Variants in GDPD5 observed in about 807,000 individuals in gnomAD.
GDPD5 encodes glycerophosphodiester phosphodiesterase 2.
GDPD5 carries 48 observed loss-of-function variants against 75.1 expected under a neutral mutation model. That is an observed-to-expected ratio of 0.64 (90% CI 0.51 to 0.81). The LOEUF is 0.81. GDPD5 is among the 40% of genes least tolerant of loss of function. The pLI is 0.00. For missense variants in GDPD5, 706 were observed against 822.6 expected, an observed-to-expected ratio of 0.86 and a Z score of 1.73; for synonymous variants, 336 against 339.0, an observed-to-expected ratio of 0.99 and a Z score of 0.10.
chr11:75,452,496 A>G (rs1233424649), intron 6 of GDPD5, among the ~76,000 whole-genome samples: 1 of 152,226 alleles, frequency 6.6e-6, no homozygotes, highest in Non-Finnish European at 1.5e-5. Flanking sequence ...TATTGTGAGG[A>G]GTGAAATGAC....
rs751132492 is a variant in GDPD5 at position 75,441,751 on chromosome 11, C to T, written c.1220G>A (p.Gly407Asp). Residue 407 changes from glycine (G) to aspartate (D), a missense_variant, in exon 13 of 17, where the codon GGC becomes GAC. Gly to Asp is a moderately conservative substitution (Grantham distance 94). Transcript: ENST00000336898. ...QRPLVRKVAP[G>D]FQQTSGSKEA... ...CTTGGAGCCTGATGTCTGTTGGAAGCCGGGAGCCACCTTCCGCACCAGGGG... is the reference window on the plus strand; with the variant it reads ...CTTGGAGCCTGATGTCTGTTGGAAGTCGGGAGCCACCTTCCGCACCAGGGG... The T allele has an allele frequency of 4.3e-5, 70 of 1,611,368 alleles. No individual in the cohort carries two copies. The highest frequency in any genetic ancestry group is 5.8e-5 in the Non-Finnish European group (68 of 1,179,922).
At chr11:75,477,566 C>G in intron 3 of GDPD5, 53 bp downstream of exon 3, 1 of 1,218,090 alleles carries the variant, frequency 8.2e-7, no homozygotes, top group Non-Finnish European at 1.1e-6. Context: ...CCCAGCCCCT[C>G]AGGCTTGCTG....
intron 9 of GDPD5, 118 bp downstream of exon 9, chr11:75,448,859 A>C (rs1592071999): frequency 1.6e-6 from 2 of 1,254,188 alleles, no homozygotes; most frequent in Non-Finnish European, 2.1e-6. Context: ...CTTCCCATGT[A>C]CCTCCCCTCA....
intron 1 of GDPD5, among the ~76,000 whole-genome samples, chr11:75,501,902 T>C (rs1473730836): frequency 6.6e-6 from 1 of 152,146 alleles, no homozygotes; most frequent in Non-Finnish European, 1.5e-5. Flanking sequence ...CCAGGGTAGG[T>C]ATGTGTATCA....
intron 2 of GDPD5, among the ~76,000 whole-genome samples, chr11:75,480,431 C>T (rs1406589338): frequency 6.6e-6 from 1 of 152,108 alleles, no homozygotes; most frequent in African/African-American, 2.4e-5. Flanking sequence ...AATCATCGCT[C>T]ATGGCCACCT....
intron 2 of GDPD5, among the ~76,000 whole-genome samples, chr11:75,483,640 G>T (rs1949966001): frequency 6.6e-6 from 1 of 152,218 alleles, no homozygotes; most frequent in Non-Finnish European, 1.5e-5. Flanking sequence ...ATCAGGGAAT[G>T]AGGACTAAAT....
chr11:75,448,937 C>A (rs766350308), intron 9 of GDPD5, 40 bp downstream of exon 9: 1 of 1,524,956 alleles, frequency 6.6e-7, no homozygotes, highest in Middle Eastern at 2.0e-4. Context: ...CATCGCACCC[C>A]ACCCCAACGG....
At chr11:75,487,323 A>C (rs1357758504) in intron 2 of GDPD5, among the ~76,000 whole-genome samples, 1 of 152,336 alleles carries the variant, frequency 6.6e-6, no homozygotes, top group South Asian at 2.1e-4. Context: ...TGGAATCTGC[A>C]GAGAAGGTAA....
intron 3 of GDPD5, among the ~76,000 whole-genome samples, chr11:75,475,628 C>G (rs1478338558): frequency 6.6e-6 from 1 of 152,024 alleles, no homozygotes; most frequent in Non-Finnish European, 1.5e-5. Flanking sequence ...AGACAGGGGG[C>G]GGAGCGAAGT....
At position 75,435,359 on chromosome 11, in the gene GDPD5, G is replaced by GAGAGGCTGCGGCTGACA. The variant is rs1948597881; in HGVS notation, c.*131_*147dup. The GAGAGGCTGCGGCTGACA allele has an allele frequency of 1.3e-5, 9 of 675,692 alleles. No individual in the cohort carries two copies. In the South Asian group the frequency reaches 2.2e-4, roughly 17 times the overall value. The allele number at this position is 675,692 out of a possible 1,614,324, so 41.9% of individuals were successfully genotyped here. A position where few individuals can be genotyped will look rare whatever the true frequency, so the allele number is the denominator to read the frequency against. On this transcript the variant is annotated 3_prime_UTR_variant, in exon 17 of 17. Transcript: ENST00000336898. ...TCAGGAGACAGGGAGTCCCCCTCAAGAGAGGCTGCGGCTGACAAGGGGCTG... is the reference window on the plus strand; with the variant it reads ...TCAGGAGACAGGGAGTCCCCCTCAAGAGAGGCTGCGGCTGACAAGAGGCTGCGGCTGACAAGGGGCTG...
rs1948837818 is a variant in GDPD5 at position 75,442,228 on chromosome 11, AAGTGAGC to A, written c.1167+128_1167+134del. 6 of 659,044 alleles carry A rather than the reference AAGTGAGC, an allele frequency of 9.1e-6. No individual in the cohort carries two copies. The South Asian group carries it at 1.2e-4, about 13-fold the overall frequency. The allele number at this position is 659,044 out of a possible 1,614,324, so 40.8% of individuals were successfully genotyped here. The stretch of plus-strand genomic sequence containing the variant: ...TTGTCCCATGATGACCCTGCCAGGG[AAGTGAGC>A]AGTGTGTGATCCCCATTTTACAAAT... On this transcript the variant is annotated intron_variant, in intron 12 of 16. Transcript: ENST00000336898.
intron 1 of GDPD5, among the ~76,000 whole-genome samples, chr11:75,517,886 C>T (rs1460835963): frequency 1.3e-5 from 2 of 152,078 alleles, no homozygotes; most frequent in African/African-American, 2.4e-5. Flanking sequence ...GTTGGGTGTC[C>T]GGGTTGGAAA....
intron 4 of GDPD5, among the ~76,000 whole-genome samples, chr11:75,458,832 G>C (rs1345724054): frequency 2.0e-5 from 3 of 152,134 alleles, no homozygotes; most frequent in East Asian, 1.9e-4. Context: ...ACTGAGGCTG[G>C]AGTGCAGGGA....
At chr11:75,521,803 CAAA>C (rs1941468030) in intron 1 of GDPD5, among the ~76,000 whole-genome samples, 3 of 51,640 alleles carry the variant, frequency 5.8e-5, no homozygotes, top group Non-Finnish European at 8.2e-5. Flanking sequence ...GGAGGAACCA[CAAA>C]CAAAGGGGCT....
chr11:75,516,935 C>A (rs1288562191), intron 1 of GDPD5, among the ~76,000 whole-genome samples: 1 of 152,178 alleles, frequency 6.6e-6, no homozygotes, highest in Non-Finnish European at 1.5e-5. Context: ...CTGAGAATGA[C>A]CTTGTATGGC....
chr11:75,487,976 ACTG>A (rs891284087), intron 2 of GDPD5, among the ~76,000 whole-genome samples: 1 of 152,204 alleles, frequency 6.6e-6, no homozygotes, highest in African/African-American at 2.4e-5. Flanking sequence ...TGGATTTCAG[ACTG>A]CTAAGTCACA....
At chr11:75,491,083 T>C (rs1401689695) in intron 1 of GDPD5, among the ~76,000 whole-genome samples, 4 of 152,070 alleles carry the variant, frequency 2.6e-5, no homozygotes, top group Non-Finnish European at 5.9e-5. Context: ...GGTGCCAATA[T>C]AACAACTCTC....
intron 3 of GDPD5, among the ~76,000 whole-genome samples, chr11:75,466,436 T>A (rs968201840): frequency 6.6e-5 from 10 of 152,076 alleles, no homozygotes; most frequent in Admixed American, 4.6e-4. Flanking sequence ...GAGGCCCCAA[T>A]AGCACTAATG....
chr11:75,449,173 G>C, intron 8 of GDPD5, 51 bp from the exon 9 acceptor site: 1 of 1,531,432 alleles, frequency 6.5e-7, no homozygotes, highest in Non-Finnish European at 8.8e-7. Flanking sequence ...GGCAGGTTGG[G>C]GTGCAATGCT....
Sources: gnomAD v4.1 joint callset for allele counts (sites outside exome capture counted in the v4.1 genomes callset) on GRCh38, gnomAD v4.1.1 for gene constraint, MANE v1.5 for transcripts, NCBI Gene and HGNC (gene_info 2026-07-23, HGNC 2026-07-21) for gene names.